The following MYOM1 variants were observed in gnomAD, a reference collection of about 807,000 sequenced individuals.
MYOM1 encodes the protein myomesin 1, also known as myomesin-1.
A neutral mutation model predicts 205.3 loss-of-function variants in MYOM1; 164 were observed. The observed-to-expected ratio is 0.80, with a 90% confidence interval of 0.70 to 0.91. MYOM1 has a LOEUF of 0.91. Ranked by LOEUF, MYOM1 falls within the 40% of genes least tolerant of loss-of-function variation. The probability of loss-of-function intolerance (pLI) is 0.00; values close to 1 mark genes in which losing one functional copy is unlikely to be tolerated. For synonymous variants in MYOM1, 772 were observed against 789.4 expected, an observed-to-expected ratio of 0.98 and a Z score of 0.37; for missense variants, 2,011 against 2,127.3, an observed-to-expected ratio of 0.95 and a Z score of 1.08.
chr18:3,141,847 C>T, intron 14 of MYOM1, 92 bp downstream of exon 14: 1 of 1,500,324 alleles, frequency 6.7e-7, no homozygotes. Context: ...CCTCCTCCTC[C>T]CTCACTCCAT....
the MYOM1 span, among the ~76,000 whole-genome samples, chr18:3,231,287 T>C: frequency 6.6e-6 from 1 of 152,298 alleles, no homozygotes; most frequent in Non-Finnish European, 1.5e-5. Flanking sequence ...AATCAAGGTA[T>C]GCCACGGGTG....
In MYOM1 at chr18:3,174,112, A is replaced by G. The variant is rs1220272570; in HGVS notation, c.1111+8T>C. 6.2e-7 allele frequency: 1 copy of G among 1,613,934 alleles called. No homozygotes were observed. The highest frequency in any genetic ancestry group is 2.2e-5 in the East Asian group (1 of 44,888). On this transcript the variant is annotated splice_region_variant and intron_variant, in intron 7 of 37. Transcript: ENST00000356443. The stretch of plus-strand genomic sequence containing the variant: ...ACACTTTGAAGAAAACAAATCTAGC[A>G]AACCTACTTTTTACCACAACTGAAG...
At chr18:3,128,603 G>GT (rs1390668914) in intron 18 of MYOM1, among the ~76,000 whole-genome samples, 2 of 151,842 alleles carry the variant, frequency 1.3e-5, no homozygotes, top group African/African-American at 2.4e-5. Flanking sequence ...ATTTATAGCT[G>GT]TTTTTTTCTT....
chr18:3,175,330 A>G (rs901102796), intron 6 of MYOM1, among the ~76,000 whole-genome samples: 1 of 152,146 alleles, frequency 6.6e-6, no homozygotes, highest in South Asian at 2.1e-4. Context: ...TAGGCACATC[A>G]TGGTTTTATC....
At chr18:3,074,582 C>T (rs1280573791) in intron 36 of MYOM1, among the ~76,000 whole-genome samples, 1 of 152,212 alleles carries the variant, frequency 6.6e-6, no homozygotes. Flanking sequence ...GTGAAACAAA[C>T]AGCTCACAGA....
rs901661479 is a variant in MYOM1, at chr18:3,164,442, A to G, written c.1340-3T>C. 5 of 1,581,946 alleles carry G rather than the reference A, an allele frequency of 3.2e-6. No individual in the cohort carries two copies. In the Admixed American group the frequency reaches 5.8e-5, roughly 18 times the overall value. ...TTTTGATGGAGAAAGAGGTACTCCT[A>G]GAAATATTTTAAAAGTAAGCAAATT... On this transcript the variant is annotated splice_polypyrimidine_tract_variant and splice_region_variant and intron_variant, in intron 9 of 37. Transcript: ENST00000356443.
At chr18:3,148,722 T>C (rs922752714) in intron 13 of MYOM1, among the ~76,000 whole-genome samples, 24 of 150,768 alleles carry the variant, frequency 1.6e-4, no homozygotes, top group Non-Finnish European at 3.3e-4. Context: ...GGCGGGCGCC[T>C]GTAGTCCCAG....
chr18:3,144,076 G>A (rs933558540), intron 13 of MYOM1, among the ~76,000 whole-genome samples: 4 of 151,724 alleles, frequency 2.6e-5, no homozygotes, highest in Non-Finnish European at 5.9e-5. Context: ...CATTGTGGCG[G>A]GCATCTGTAG....
At chr18:3,208,932 T>C (rs967516047) in intron 2 of MYOM1, among the ~76,000 whole-genome samples, 1 of 152,212 alleles carries the variant, frequency 6.6e-6, no homozygotes, top group Non-Finnish European at 1.5e-5. Flanking sequence ...GCCCAGACTA[T>C]CAGCAGCTTC....
chr18:3,086,027 T>C lies in MYOM1; in HGVS notation c.4251+11A>G. The C allele has an allele frequency of 6.5e-7, 1 of 1,529,544 alleles. No individual in the cohort carries two copies. The allele number at this position is 1,529,544 out of a possible 1,614,324, so 94.7% of individuals were successfully genotyped here. ...GCTAATATATTACATTTTACATTTA[T>C]AATCGCCTACCTCTGTTATAAGCAG... On this transcript the variant is annotated intron_variant, in intron 30 of 37. Coordinates refer to ENST00000356443, the MANE Select transcript of MYOM1 (RefSeq NM_003803.4).
intron 27 of MYOM1, 42 bp downstream of exon 27, chr18:3,090,616 G>C (rs769793489): frequency 2.1e-5 from 34 of 1,610,514 alleles, no homozygotes; most frequent in Non-Finnish European, 2.8e-5. Context: ...AGATTGAAGG[G>C]AGTAGCAAAG....
intron 36 of MYOM1, among the ~76,000 whole-genome samples, chr18:3,075,012 C>T (rs2079005659): frequency 6.6e-6 from 1 of 152,196 alleles, no homozygotes; most frequent in Non-Finnish European, 1.5e-5. Flanking sequence ...CCAGACTGGT[C>T]TTGAACTCCT....
chr18:3,197,739 G>T (rs574590847), intron 2 of MYOM1, among the ~76,000 whole-genome samples: 1 of 151,876 alleles, frequency 6.6e-6, no homozygotes, highest in Non-Finnish European at 1.5e-5. Flanking sequence ...TGGGCATGGT[G>T]GCAGGCGCCT....
At chr18:3,104,272 G>T (rs2079421625) in intron 22 of MYOM1, among the ~76,000 whole-genome samples, 2 of 152,186 alleles carry the variant, frequency 1.3e-5, no homozygotes, top group African/African-American at 2.4e-5. Flanking sequence ...GTCACAGAAA[G>T]AATGTAAACA....
At chr18:3,229,670 T>G in the MYOM1 span, among the ~76,000 whole-genome samples, 3 of 152,154 alleles carry the variant, frequency 2.0e-5, no homozygotes, top group Non-Finnish European at 4.4e-5. Context: ...TTTTGCAAGT[T>G]TAACAGTAGT....
intron 19 of MYOM1, among the ~76,000 whole-genome samples, chr18:3,125,151 C>T (rs571606606): frequency 6.6e-6 from 1 of 152,198 alleles, no homozygotes; most frequent in Non-Finnish European, 1.5e-5. Flanking sequence ...GGAATTCTCA[C>T]ACACTCTTCA....
chr18:3,106,417 T>C (rs1445335911), intron 22 of MYOM1, among the ~76,000 whole-genome samples: 3 of 152,310 alleles, frequency 2.0e-5, no homozygotes, highest in Middle Eastern at 3.4e-3. Flanking sequence ...AACCTATGAG[T>C]CGTACATCAT....
In MYOM1 at chr18:3,100,415, G is replaced by T; in HGVS notation, c.3587C>A (p.Thr1196Asn). 1 of 1,613,468 alleles carries T rather than the reference G, an allele frequency of 6.2e-7. No individual in the cohort carries two copies. The highest frequency in any genetic ancestry group is 8.5e-7 in the Non-Finnish European group (1 of 1,179,562). Reference protein sequence around the residue: ...VESKGNKTKMTFKDLGMDDLG... With the variant: ...VESKGNKTKMNFKDLGMDDLG... Reference sequence around the variant, plus strand: ...GTCATCCATCCCAAGGTCTTTGAAGGTCATTTTCGTCCTTCGGAACAAAAT... The same window carrying T: ...GTCATCCATCCCAAGGTCTTTGAAGTTCATTTTCGTCCTTCGGAACAAAAT... The change falls in exon 24 of 38, where the codon ACC becomes AAC. Residue 1196 changes from threonine to asparagine, a missense_variant. Transcript: ENST00000356443.
intron 14 of MYOM1, among the ~76,000 whole-genome samples, chr18:3,136,140 G>C (rs536386642): frequency 1.3e-5 from 2 of 151,836 alleles, no homozygotes; most frequent in South Asian, 4.2e-4. Context: ...GCCTGCCACC[G>C]TGTAAGACGT....
Sources: gnomAD v4.1 joint callset for allele counts (sites outside exome capture counted in the v4.1 genomes callset) on GRCh38, gnomAD v4.1.1 for gene constraint, MANE v1.5 for transcripts, NCBI Gene and HGNC (gene_info 2026-07-23, HGNC 2026-07-21) for gene names.